Variants in DLC1 observed in about 807,000 individuals in gnomAD.
DLC1 encodes the protein rho GTPase-activating protein 7.
In DLC1, 54 loss-of-function variants were observed where a neutral mutation model predicts 140.3. The ratio of observed to expected loss-of-function variants is 0.38; its 90% CI spans 0.31 to 0.48. The LOEUF (loss-of-function observed/expected upper bound fraction) is 0.48, where lower values mean the gene tolerates loss of function less well. DLC1 is among the 20% of genes least tolerant of loss of function. DLC1 has a pLI of 0.96. For synonymous variants in DLC1, 986 were observed against 728.1 expected, an observed-to-expected ratio of 1.35 and a Z score of -5.70; for missense variants, 2,536 against 1,907.0, an observed-to-expected ratio of 1.33 and a Z score of -6.14.
At chr8:13,419,372 A>C (rs540221214) in intron 2 of DLC1, among the ~76,000 whole-genome samples, 74 of 152,192 alleles carry the variant, frequency 4.9e-4, no homozygotes, top group African/African-American at 1.8e-3. Flanking sequence ...AGCTCTTATT[A>C]TTTTGAGATA....
At chr8:13,093,991 G>C (rs959870917) in intron 12 of DLC1, among the ~76,000 whole-genome samples, 5 of 152,220 alleles carry the variant, frequency 3.3e-5, no homozygotes, top group African/African-American at 9.6e-5. Context: ...CAGAGACTGA[G>C]ATGAATAACA....
chr8:13,187,605 A>G (rs1291556603), intron 5 of DLC1, among the ~76,000 whole-genome samples: 1 of 152,232 alleles, frequency 6.6e-6, no homozygotes, highest in Admixed American at 6.5e-5. Flanking sequence ...CTTAGCCAAT[A>G]AAGAAACAGA....
At chr8:13,498,629 A>G (rs763132778) in intron 2 of DLC1, among the ~76,000 whole-genome samples, 3 of 152,166 alleles carry the variant, frequency 2.0e-5, no homozygotes, top group African/African-American at 7.2e-5. Context: ...TTATGAAAAC[A>G]TAGTCTTTTT....
intron 2 of DLC1, among the ~76,000 whole-genome samples, chr8:13,402,737 T>G (rs1309826318): frequency 1.3e-5 from 2 of 152,220 alleles, no homozygotes; most frequent in African/African-American, 2.4e-5. Context: ...CGTTGTGAGA[T>G]GAAAATTGAT....
intron 5 of DLC1, among the ~76,000 whole-genome samples, chr8:13,186,482 A>G (rs1826375087): frequency 6.6e-6 from 1 of 152,096 alleles, no homozygotes; most frequent in African/African-American, 2.4e-5. Flanking sequence ...TTCTCATGCC[A>G]TGGTTTTCAG....
chr8:13,373,085 A>T (rs925205574), intron 4 of DLC1, among the ~76,000 whole-genome samples: 1 of 152,110 alleles, frequency 6.6e-6, no homozygotes, highest in Non-Finnish European at 1.5e-5. Flanking sequence ...GTGCGATCAC[A>T]GCTCACTACA....
Position 13,359,729 on chromosome 8 carries a change from G to A in DLC1, c.1314+33824C>T, listed in dbSNP as rs114452106. ...TTAATTGCTTGTTATATATAATAAT[G>A]ACATAAAATGATATAAAATAAAATG... On this transcript the variant is annotated intron_variant, in intron 4 of 17. Transcript: ENST00000276297. Among the ~76,000 whole-genome samples, 617 of 152,182 alleles carry A rather than the reference G, an allele frequency of 4.1e-3. 3 individuals are homozygous for A. The highest frequency in any genetic ancestry group is 0.014 in the African/African-American group (581 of 41,516).
At chr8:13,361,472 C>G (rs376754336) in intron 4 of DLC1, among the ~76,000 whole-genome samples, 123 of 151,984 alleles carry the variant, frequency 8.1e-4, no homozygotes, top group African/African-American at 2.9e-3. Flanking sequence ...CTCTATGTTA[C>G]TCAGGCTGGT....
At chr8:13,379,402 T>C (rs139786491) in intron 4 of DLC1, among the ~76,000 whole-genome samples, 145 of 152,302 alleles carry the variant, frequency 9.5e-4, no homozygotes, top group African/African-American at 3.3e-3. Flanking sequence ...ACCTAACCTA[T>C]TGAGCATCCT....
At chr8:13,516,175 G>GGGGGT (rs138833866), upstream of DLC1, among the ~76,000 whole-genome samples, 10 of 152,058 alleles carry the variant, frequency 6.6e-5, no homozygotes, top group African/African-American at 2.4e-4. Flanking sequence ...TTTGGGGGGG[G>GGGGGT]ACTGATGATC....
At chr8:13,470,351 A>G (rs925303235) in intron 2 of DLC1, among the ~76,000 whole-genome samples, 1 of 152,210 alleles carries the variant, frequency 6.6e-6, no homozygotes, top group South Asian at 2.1e-4. Context: ...CTAAACATAT[A>G]AGGAGTTCAT....
chr8:13,464,849 C>G (rs982315725), intron 2 of DLC1, among the ~76,000 whole-genome samples: 2 of 147,144 alleles, frequency 1.4e-5, no homozygotes, highest in African/African-American at 5.0e-5. Context: ...ATGTATAATA[C>G]TTGGAAACTC....
chr8:13,386,456 A>T (rs1271134455), intron 4 of DLC1, among the ~76,000 whole-genome samples: 2 of 152,116 alleles, frequency 1.3e-5, no homozygotes, highest in African/African-American at 2.4e-5. Flanking sequence ...ACAGAATGAA[A>T]TTCTAAGATT....
intron 7 of DLC1, 77 bp from the exon 8 acceptor site, chr8:13,102,930 A>T (rs1819218740): frequency 8.1e-7 from 1 of 1,231,966 alleles, no homozygotes; most frequent in African/African-American, 1.5e-5. Context: ...GTTTTTAAAC[A>T]ATTCATATAT....
At chr8:13,208,035 A>G (rs1381057793) in intron 5 of DLC1, among the ~76,000 whole-genome samples, 1 of 152,324 alleles carries the variant, frequency 6.6e-6, no homozygotes, top group South Asian at 2.1e-4. Context: ...TTAATTCACC[A>G]TAGTATTTTG....
intron 4 of DLC1, among the ~76,000 whole-genome samples, chr8:13,346,527 C>G (rs976366549): frequency 6.6e-6 from 1 of 152,200 alleles, no homozygotes; most frequent in South Asian, 2.1e-4. Context: ...TTCACAAAGT[C>G]TATTTTAAAC....
chr8:13,434,963 A>AC (rs35497097), intron 2 of DLC1, among the ~76,000 whole-genome samples: 8,361 of 150,618 alleles, frequency 0.056, 686 homozygotes, highest in African/African-American at 0.18. Flanking sequence ...TACAGGCGTG[A>AC]CCCCCCCCGG....
chr8:13,171,570 T>C (rs1278834540), intron 5 of DLC1, among the ~76,000 whole-genome samples: 1 of 152,154 alleles, frequency 6.6e-6, no homozygotes, highest in East Asian at 1.9e-4. Flanking sequence ...TTTTATTTTC[T>C]TTTTTGTAGA....
intron 2 of DLC1, among the ~76,000 whole-genome samples, chr8:13,429,161 T>C (rs1248337815): frequency 5.9e-5 from 9 of 152,238 alleles, no homozygotes; most frequent in Admixed American, 5.9e-4. Context: ...CAAACACCTG[T>C]ATCAGAAACA....
Sources: gnomAD v4.1 joint callset for allele counts (sites outside exome capture counted in the v4.1 genomes callset) on GRCh38, gnomAD v4.1.1 for gene constraint, MANE v1.5 for transcripts, NCBI Gene and HGNC (gene_info 2026-07-23, HGNC 2026-07-21) for gene names.